Variants in MAGI2 observed in about 807,000 individuals in gnomAD.
MAGI2 encodes the protein membrane-associated guanylate kinase, WW and PDZ domain-containing protein 2.
In MAGI2, 35 loss-of-function variants were observed where a neutral mutation model predicts 133.3. The ratio of observed to expected loss-of-function variants is 0.26; its 90% CI spans 0.20 to 0.35. MAGI2 has a LOEUF of 0.35. MAGI2 is among the 10% of genes least tolerant of loss of function. The pLI, the probability that MAGI2 is intolerant of heterozygous loss-of-function variation, is 1.00. For synonymous variants in MAGI2, 729 were observed against 710.6 expected (o/e 1.03, Z -0.41); for missense variants, 1,636 against 1,863.4 (o/e 0.88, Z 2.25).
chr7:79,249,197 C>G lies in MAGI2; in HGVS notation c.301+203823G>C, dbSNP rs181582107. On this transcript the variant is annotated intron_variant, in intron 1 of 21. Coordinates refer to ENST00000354212, the MANE Select transcript of MAGI2 (RefSeq NM_012301.4). ...TCAGTACTAATAGAAAAGTTTATGG[C>G]GATAAGTACCTGCATCAAAAAAGTA... Among the ~76,000 whole-genome samples the G allele has an allele frequency of 2.0e-5, 3 of 151,782 alleles. No individual in the cohort carries two copies. In the South Asian group the frequency reaches 6.2e-4, roughly 32 times the overall value.
chr7:79,348,825 A>G (rs1044518130), intron 1 of MAGI2, among the ~76,000 whole-genome samples: 1 of 151,896 alleles, frequency 6.6e-6, no homozygotes, highest in African/African-American at 2.4e-5. Flanking sequence ...TCATTTTTGA[A>G]GCTTTAACAA....
chr7:78,325,157 T>A (rs1477172111), intron 9 of MAGI2, among the ~76,000 whole-genome samples: 3 of 152,216 alleles, frequency 2.0e-5, no homozygotes, highest in Non-Finnish European at 4.4e-5. Flanking sequence ...TGTTGTAGAC[T>A]TCAGCATATA....
chr7:78,458,154 C>T (rs757563626), intron 6 of MAGI2, among the ~76,000 whole-genome samples: 9 of 151,768 alleles, frequency 5.9e-5, no homozygotes, highest in East Asian at 1.9e-4. Flanking sequence ...TAATTAGCTG[C>T]GCGTGGTGGC....
At position 78,277,054 on chromosome 7, in the gene MAGI2, T is replaced by C. The variant is rs548655787; in HGVS notation, c.1409-20473A>G. On this transcript the variant is annotated intron_variant, in intron 9 of 21. Coordinates refer to ENST00000354212, the MANE Select transcript of MAGI2 (RefSeq NM_012301.4). ...CTATTTTTACTAATTTAACTACTAG[T>C]TGTAGTTTCTAATCAGCATGAGTGA... is the stretch of plus-strand genomic sequence containing the variant. Among the ~76,000 whole-genome samples the C allele has an allele frequency of 2.4e-4, 37 of 152,332 alleles. No homozygotes were observed. The South Asian group carries it at 7.7e-3, about 32-fold the overall frequency.
intron 1 of MAGI2, among the ~76,000 whole-genome samples, chr7:79,196,788 G>T (rs937146676): frequency 5.9e-5 from 9 of 151,724 alleles, no homozygotes; most frequent in African/African-American, 2.2e-4. Context: ...TGTATTTTGA[G>T]ATAGGGTCTC....
At chr7:78,059,062 C>T (rs1419011417) in intron 21 of MAGI2, among the ~76,000 whole-genome samples, 1 of 152,176 alleles carries the variant, frequency 6.6e-6, no homozygotes, top group Non-Finnish European at 1.5e-5. Flanking sequence ...TTTAGTTTCT[C>T]ATTACCCCAT....
chr7:78,880,625 C>T (rs1274360622), intron 2 of MAGI2, among the ~76,000 whole-genome samples: 2 of 152,162 alleles, frequency 1.3e-5, no homozygotes, highest in African/African-American at 4.8e-5. Flanking sequence ...CAGAAACACA[C>T]TTAAGTCCAT....
chr7:78,055,976 C>T (rs574968106), intron 21 of MAGI2, among the ~76,000 whole-genome samples: 69 of 152,268 alleles, frequency 4.5e-4, no homozygotes, highest in Middle Eastern at 3.4e-3. Context: ...AACTTACCAT[C>T]TTAACCATTT....
At chr7:78,061,978 A>G (rs1813324072) in intron 21 of MAGI2, among the ~76,000 whole-genome samples, 1 of 152,246 alleles carries the variant, frequency 6.6e-6, no homozygotes, top group Non-Finnish European at 1.5e-5. Flanking sequence ...GAAAAGAGAA[A>G]TTGGGCAGAG....
intron 1 of MAGI2, among the ~76,000 whole-genome samples, chr7:79,342,733 A>T (rs1432349753): frequency 6.9e-6 from 1 of 145,216 alleles, no homozygotes; most frequent in Non-Finnish European, 1.5e-5. Flanking sequence ...GAAGCACTTT[A>T]TCTTATTTTA....
chr7:78,172,313 T>G lies in MAGI2; in HGVS notation c.2404-4205A>C, dbSNP rs543798215. Among the ~76,000 whole-genome samples, 6 of 152,326 alleles carry G rather than the reference T, an allele frequency of 3.9e-5. 1 individual carries two copies. In the South Asian group the frequency reaches 1.2e-3, roughly 32 times the overall value. On this transcript the variant is annotated intron_variant, in intron 14 of 21. Transcript: ENST00000354212. ...GTAGTATCTGTAGCCTGGGACAACT[T>G]GCCACTATGGCGAGCAGATTTCAGG...
intron 2 of MAGI2, among the ~76,000 whole-genome samples, chr7:78,806,001 GA>G (rs573797210): frequency 1.3e-5 from 2 of 151,560 alleles, no homozygotes; most frequent in Non-Finnish European, 2.9e-5. Context: ...TAAATTGTCA[GA>G]AAAAAAAGGT....
intron 2 of MAGI2, among the ~76,000 whole-genome samples, chr7:78,725,585 T>A (rs1820693261): frequency 6.6e-6 from 1 of 152,112 alleles, no homozygotes; most frequent in Non-Finnish European, 1.5e-5. Flanking sequence ...GATCACAAGG[T>A]CAGGAGATAG....
chr7:78,024,793 A>G (rs10269474), intron 21 of MAGI2, among the ~76,000 whole-genome samples: 34,691 of 151,946 alleles, frequency 0.23, 5,144 homozygotes, highest in East Asian at 0.65. Context: ...AAAGAGAAGT[A>G]TAGTCTACCA....
At chr7:78,423,047 G>A (rs759135421) in intron 6 of MAGI2, among the ~76,000 whole-genome samples, 2 of 152,266 alleles carry the variant, frequency 1.3e-5, no homozygotes, top group Non-Finnish European at 2.9e-5. Context: ...TTTTTGTTCT[G>A]TTTTGAATCA....
At position 78,343,821 on chromosome 7, in the gene MAGI2, C is replaced by G. The variant is rs750615832; in HGVS notation, c.1365G>C (p.Val455=). ...EPDEFLQVKS[V]IPDGPAAQDG... is the part of the protein sequence containing the mutation. The stretch of plus-strand genomic sequence containing the variant: ...CCTGTGCTGCAGGCCCATCCGGAAT[C>G]ACACTTTTCACCTGCAGAAACTCAT... The change falls in exon 9 of 22, where the codon GTG becomes GTC. Residue 455 remains valine (V), a synonymous_variant. Coordinates refer to ENST00000354212, the MANE Select transcript of MAGI2 (RefSeq NM_012301.4). The G allele has an allele frequency of 2.3e-5, 37 of 1,610,116 alleles. No homozygotes were observed. The Admixed American group carries it at 6.3e-4, about 27-fold the overall frequency.
intron 2 of MAGI2, among the ~76,000 whole-genome samples, chr7:78,968,204 C>G (rs568174564): frequency 8.5e-5 from 13 of 152,090 alleles, no homozygotes; most frequent in Admixed American, 8.5e-4. Context: ...CAAATTTGTT[C>G]TTTTTTTCTT....
intron 6 of MAGI2, among the ~76,000 whole-genome samples, chr7:78,384,794 T>C (rs1795232241): frequency 6.6e-6 from 1 of 152,330 alleles, no homozygotes; most frequent in African/African-American, 2.4e-5. Context: ...TATGCCTTAA[T>C]TTCATTTTCT....
Position 78,692,428 on chromosome 7 carries a change from C to T in MAGI2, c.419-65189G>A, listed in dbSNP as rs28526691. Reference sequence around the variant, plus strand: ...GAGACACTTCACAGCAATACAGTGTCGATTAAATTGGACACTAGTAAGGCA... The same window carrying T: ...GAGACACTTCACAGCAATACAGTGTTGATTAAATTGGACACTAGTAAGGCA... On this transcript the variant is annotated intron_variant, in intron 2 of 21. Transcript: ENST00000354212. Among the ~76,000 whole-genome samples the T allele has an allele frequency of 5.3e-3, 813 of 152,030 alleles. 8 individuals carry two copies. Among genetic ancestry groups the T allele is most frequent in the African/African-American group, 0.019 (771 of 41,470 alleles).
Sources: allele counts gnomAD v4.1 joint callset (sites outside exome capture counted in the v4.1 genomes callset), GRCh38; gene constraint gnomAD v4.1.1; transcripts MANE v1.5; gene names NCBI Gene and HGNC (gene_info 2026-07-23, HGNC 2026-07-21).